The following MYO5B variants were observed in gnomAD, a reference collection of about 807,000 sequenced individuals.
MYO5B encodes myosin VB, also known as unconventional myosin-Vb.
MYO5B carries 143 observed loss-of-function variants against 229.3 expected under a neutral mutation model. That is an observed-to-expected ratio of 0.62 (90% confidence interval 0.54 to 0.72). The LOEUF is 0.72. Among genes scored for constraint, MYO5B ranks in the 30% least tolerant of loss-of-function variants. The pLI is 0.00. For missense variants in MYO5B, 2,321 were observed against 2,331.0 expected, an observed-to-expected ratio of 1.00 and a Z score of 0.09; for synonymous variants, 918 against 885.2, an observed-to-expected ratio of 1.04 and a Z score of -0.66.
At chr18:49,829,168 T>C (rs1013148461) in intron 39 of MYO5B, among the ~76,000 whole-genome samples, 1 of 151,118 alleles carries the variant, frequency 6.6e-6, no homozygotes, top group African/African-American at 2.4e-5. Context: ...AATCTCCGCC[T>C]CCCAGGTTCA....
Position 49,899,932 on chromosome 18 carries a change from T to TA in MYO5B, c.2811+2661_2811+2662insT, listed in dbSNP as rs55754146. Among the ~76,000 whole-genome samples the TA allele has an allele frequency of 6.6e-3, 986 of 150,514 alleles. 16 individuals are homozygous for TA. Among genetic ancestry groups the TA allele is most frequent in the African/African-American group, 0.023 (919 of 39,962 alleles). ...TAAGGCAAAAAGCTTTTTTTATTTT[T>TA]TTTTTAAATAGGCCATTTAAATCTG... is the stretch of plus-strand genomic sequence containing the variant. On this transcript the variant is annotated intron_variant, in intron 21 of 39. Transcript: ENST00000285039.
chr18:50,151,656 G>A (rs983138902), intron 1 of MYO5B, among the ~76,000 whole-genome samples: 1 of 152,030 alleles, frequency 6.6e-6, no homozygotes, highest in Non-Finnish European at 1.5e-5. Context: ...TCTAGAAAAA[G>A]TATATATATA....
intron 1 of MYO5B, among the ~76,000 whole-genome samples, chr18:50,103,216 A>G (rs1294345128): frequency 6.6e-6 from 1 of 152,240 alleles, no homozygotes; most frequent in Non-Finnish European, 1.5e-5. Context: ...AAGGTCCTAA[A>G]TTTGAGGGTA....
chr18:50,036,718 T>G, intron 4 of MYO5B, 132 bp downstream of exon 4: 1 of 1,079,278 alleles, frequency 9.3e-7, no homozygotes, highest in South Asian at 1.3e-5. Context: ...CTTGGGCTGC[T>G]TTGTTTCCAA....
chr18:49,874,555 G>T (rs2024494153), intron 26 of MYO5B, among the ~76,000 whole-genome samples: 1 of 152,020 alleles, frequency 6.6e-6, no homozygotes, highest in African/African-American at 2.4e-5. Context: ...CTGCTCAGGG[G>T]GAAAAAAAAC....
chr18:49,925,571 AC>A (rs1435743923), intron 17 of MYO5B, among the ~76,000 whole-genome samples: 8 of 152,206 alleles, frequency 5.3e-5, no homozygotes, highest in African/African-American at 1.9e-4. Context: ...TGATATCCTA[AC>A]CCATAAATGG....
chr18:49,869,025 T>TG (rs2024428559), intron 27 of MYO5B, among the ~76,000 whole-genome samples: 1 of 152,190 alleles, frequency 6.6e-6, no homozygotes, highest in African/African-American at 2.4e-5. Flanking sequence ...CATGTACCTG[T>TG]GGGCAGCTTT....
rs534452420 is a variant in MYO5B, at chr18:50,052,159, GA to G, written c.138+3108del. Among the ~76,000 whole-genome samples, 318 of 152,236 alleles carry G rather than the reference GA, an allele frequency of 2.1e-3. 2 individuals carry two copies. Among genetic ancestry groups the G allele is most frequent in the African/African-American group, 7.4e-3 (307 of 41,514 alleles). The stretch of plus-strand genomic sequence containing the variant: ...GAAGTCAGTGTGGCGATTCCTCAGG[GA>G]TCTAGAACTAGAAATACCTTTTGAC... On this transcript the variant is annotated intron_variant, in intron 2 of 39. Coordinates refer to ENST00000285039, the MANE Select transcript of MYO5B (RefSeq NM_001080467.3).
At chr18:50,034,366 G>A (rs1166486614) in intron 4 of MYO5B, among the ~76,000 whole-genome samples, 1 of 152,202 alleles carries the variant, frequency 6.6e-6, no homozygotes, top group East Asian at 1.9e-4. Context: ...TTCTTTCTTG[G>A]CTCAACAGAT....
Position 49,841,349 on chromosome 18 carries a change from C to T in MYO5B, c.4701+16G>A, listed in dbSNP as rs1220204757. Reference sequence around the variant, plus strand: ...TGAAGCAGGAATGCCTCCTGGGTGCCTGGCTCCCCACTCACCTCATCCCCG... The same window carrying T: ...TGAAGCAGGAATGCCTCCTGGGTGCTTGGCTCCCCACTCACCTCATCCCCG... On this transcript the variant is annotated intron_variant, in intron 35 of 39. Transcript: ENST00000285039. 2 of 1,612,354 alleles carry T rather than the reference C, an allele frequency of 1.2e-6. No homozygotes were observed. Among genetic ancestry groups the T allele is most frequent in the Admixed American group, 1.7e-5 (1 of 60,032 alleles).
intron 4 of MYO5B, among the ~76,000 whole-genome samples, chr18:50,006,493 A>AC (rs2026102264): frequency 6.6e-6 from 1 of 152,238 alleles, no homozygotes; most frequent in African/African-American, 2.4e-5. Context: ...ACAAGAGTAC[A>AC]GGAGCCTGAG....
At position 50,059,556 on chromosome 18, in the gene MYO5B, A is replaced by G. The variant is rs115375690; in HGVS notation, c.28-4178T>C. 2.4e-3 allele frequency among the ~76,000 whole-genome samples: 359 copies of G among 152,326 alleles called. 1 individual carries two copies. The highest frequency in any genetic ancestry group is 7.6e-3 in the African/African-American group (316 of 41,576). On this transcript the variant is annotated intron_variant, in intron 1 of 39. Coordinates refer to ENST00000285039, the MANE Select transcript of MYO5B (RefSeq NM_001080467.3). ...CAAGCTTTAGATGCAAATCTAGTAA[A>G]TATTGGGCACAAGATATGTGTCCAG...
chr18:50,192,002 T>C (rs2033234483), intron 1 of MYO5B, among the ~76,000 whole-genome samples: 1 of 151,982 alleles, frequency 6.6e-6, no homozygotes, highest in Non-Finnish European at 1.5e-5. Flanking sequence ...AAGTGGATAA[T>C]TCATTTGAAG....
At chr18:50,103,365 G>A (rs1204704205) in intron 1 of MYO5B, among the ~76,000 whole-genome samples, 1 of 152,244 alleles carries the variant, frequency 6.6e-6, no homozygotes, top group Non-Finnish European at 1.5e-5. Flanking sequence ...CTGGAAGTTA[G>A]AATGTATCTT....
chr18:50,020,191 A>G (rs2026259377), intron 4 of MYO5B, among the ~76,000 whole-genome samples: 1 of 152,146 alleles, frequency 6.6e-6, no homozygotes, highest in African/African-American at 2.4e-5. Context: ...TCAGGTTCAT[A>G]CTTTCTTCTC....
At chr18:49,878,403 C>T (rs2024550304) in intron 24 of MYO5B, among the ~76,000 whole-genome samples, 1 of 119,372 alleles carries the variant, frequency 8.4e-6, no homozygotes, top group African/African-American at 3.3e-5. Context: ...TTAGACTTCT[C>T]TGGATGTTCC....
At chr18:50,131,278 C>G (rs2032249943) in intron 1 of MYO5B, among the ~76,000 whole-genome samples, 1 of 152,224 alleles carries the variant, frequency 6.6e-6, no homozygotes, top group Non-Finnish European at 1.5e-5. Flanking sequence ...AACCCACCAA[C>G]TCACTGGCCT....
intron 4 of MYO5B, among the ~76,000 whole-genome samples, chr18:50,027,400 C>A (rs1027666459): frequency 2.6e-5 from 4 of 152,146 alleles, no homozygotes; most frequent in African/African-American, 9.7e-5. Context: ...TACTTGAGCC[C>A]ATTTATGCCT....
chr18:49,946,592 G>C (rs566214585), intron 14 of MYO5B, among the ~76,000 whole-genome samples: 1 of 152,228 alleles, frequency 6.6e-6, no homozygotes, highest in South Asian at 2.1e-4. Context: ...ACATTAAACA[G>C]GGACTTTGTA....
Sources: gnomAD v4.1 joint callset for allele counts (sites outside exome capture counted in the v4.1 genomes callset) on GRCh38, gnomAD v4.1.1 for gene constraint, MANE v1.5 for transcripts, NCBI Gene and HGNC (gene_info 2026-07-23, HGNC 2026-07-21) for gene names.